Variants in F5 observed in about 807,000 individuals in gnomAD.
F5 encodes the protein coagulation factor V, also known as activated protein c cofactor.
A neutral mutation model predicts 216.4 loss-of-function variants in F5; 138 were observed. The ratio of observed to expected loss-of-function variants is 0.64; its 90% CI spans 0.56 to 0.73. The LOEUF (loss-of-function observed/expected upper bound fraction) is 0.73. Ranked by LOEUF, F5 falls within the 30% of genes least tolerant of loss-of-function variation. F5 has a pLI of 0.00. For synonymous variants in F5, 916 were observed against 930.7 expected (o/e 0.98, Z 0.29); for missense variants, 2,403 against 2,674.0 (o/e 0.90, Z 2.24).
Position 169,523,204 on chromosome 1 carries a change from T to G in F5, c.6041A>C (p.Asn2014Thr). The change falls in exon 21 of 25, where the codon AAT becomes ACT. Residue 2014 changes from asparagine (N) to threonine (T), a missense_variant. By Grantham distance (65) the Asn-to-Thr change is moderately conservative (BLOSUM62 0). Transcript: ENST00000367797. ...WQIFKGNSTRNVMYFNGNSDA... is the reference protein window; with the variant it reads ...WQIFKGNSTRTVMYFNGNSDA... ...AGAAATATGCACACAAACCATCACA[T>G]TCCTTGTGCTGTTCCCTTTGAAGAT... The G allele has an allele frequency of 1.2e-6, 2 of 1,614,056 alleles. No individual in the cohort carries two copies. Among genetic ancestry groups the G allele is most frequent in the Non-Finnish European group, 1.7e-6 (2 of 1,179,944 alleles).
chr1:169,569,250 T>G (rs1013502347), intron 3 of F5, among the ~76,000 whole-genome samples: 1 of 152,066 alleles, frequency 6.6e-6, no homozygotes, highest in Non-Finnish European at 1.5e-5. Flanking sequence ...AAGAGCAAAT[T>G]TTTGTATAGA....
chr1:169,556,954 A>T (rs903504802), intron 5 of F5, 87 bp from the exon 6 acceptor site: 1 of 1,166,740 alleles, frequency 8.6e-7, no homozygotes, highest in Middle Eastern at 2.7e-4. Context: ...TGTATTGAGC[A>T]CCTGCTGTGT....
Position 169,513,005 on chromosome 1 carries a change from C to T in F5, c.*1308G>A, listed in dbSNP as rs1659066473. Among the ~76,000 whole-genome samples, 1 of 151,914 alleles carries T rather than the reference C, an allele frequency of 6.6e-6. No homozygotes were observed. The highest frequency in any genetic ancestry group is 2.4e-5 in the African/African-American group (1 of 41,354). On this transcript the variant is annotated 3_prime_UTR_variant, in exon 25 of 25. Transcript: ENST00000367797. The stretch of plus-strand genomic sequence containing the variant: ...GTTTTAAGGAACTTATTTATTTCTG[C>T]CTTAATTTCATTATTTACCCAGTAG...
intron 13 of F5, among the ~76,000 whole-genome samples, chr1:169,539,884 A>G (rs1027279962): frequency 6.6e-6 from 1 of 152,210 alleles, no homozygotes; most frequent in East Asian, 1.9e-4. Context: ...ATTCTGATCT[A>G]AACAAGTAAA....
chr1:169,547,367 C>CT (rs1412143101), intron 10 of F5, among the ~76,000 whole-genome samples: 15 of 152,110 alleles, frequency 9.9e-5, no homozygotes, highest in African/African-American at 3.4e-4. Flanking sequence ...TAAAGAGCTC[C>CT]TGCACAGCAA....
chr1:169,539,428 C>T (rs1412872864), intron 13 of F5, among the ~76,000 whole-genome samples: 2 of 152,042 alleles, frequency 1.3e-5, no homozygotes, highest in Non-Finnish European at 2.9e-5. Context: ...CCCTGCATCT[C>T]ACTCCCTCGG....
intron 3 of F5, among the ~76,000 whole-genome samples, chr1:169,568,372 A>T (rs1022203424): frequency 1.3e-5 from 2 of 152,102 alleles, no homozygotes; most frequent in African/African-American, 4.8e-5. Flanking sequence ...CAATGCTTTT[A>T]TTCTTTTCAC....
chr1:169,532,630 CCA>C (rs150039090), intron 14 of F5, among the ~76,000 whole-genome samples: 3 of 151,692 alleles, frequency 2.0e-5, no homozygotes, highest in Non-Finnish European at 4.4e-5. Context: ...TTAAACATAG[CCA>C]CACACACATA....
chr1:169,569,037 C>T (rs1425570603), intron 3 of F5, among the ~76,000 whole-genome samples: 2 of 152,154 alleles, frequency 1.3e-5, no homozygotes, highest in East Asian at 3.9e-4. Flanking sequence ...TTTCATTGCA[C>T]AGGACTTGCA....
chr1:169,569,591 C>T (rs538429864), intron 3 of F5, among the ~76,000 whole-genome samples: 182 of 152,052 alleles, frequency 1.2e-3, no homozygotes, highest in Non-Finnish European at 2.2e-3. Flanking sequence ...AAATTGAAAC[C>T]CTTTAGTGAC....
chr1:169,565,413 G>A (rs553663273), intron 3 of F5, among the ~76,000 whole-genome samples: 9 of 152,202 alleles, frequency 5.9e-5, no homozygotes, highest in African/African-American at 2.2e-4. Context: ...TAGGTACCTA[G>A]AGAAGCATGG....
Position 169,555,181 on chromosome 1 carries a change from CT to C in F5, c.1118del (p.Lys374AsnfsTer36). 1.9e-6 allele frequency: 3 copies of C among 1,614,112 alleles called. No homozygotes were observed. The highest frequency in any genetic ancestry group is 2.5e-6 in the Non-Finnish European group (3 of 1,179,964). ...CAGTGGTATGAACCCCAACAACTCA[CT>C]TGTCCATATTCGCTGGTATTACAGG... ...YAPVIPANMD[K>X]KYRSQHLDNF... On this transcript the variant is annotated frameshift_variant and splice_region_variant, in exon 7 of 25. Transcript: ENST00000367797. LOFTEE classifies it high-confidence loss of function.
intron 12 of F5, among the ~76,000 whole-genome samples, chr1:169,543,521 A>T (rs539968331): frequency 6.6e-6 from 1 of 152,350 alleles, no homozygotes; most frequent in African/African-American, 2.4e-5. Context: ...ATGGACTTTT[A>T]ATATCATAAA....
chr1:169,546,208 C>T lies in F5; in HGVS notation c.1762+234G>A, dbSNP rs9332589. Among the ~76,000 whole-genome samples, 184 of 151,262 alleles carry T rather than the reference C, an allele frequency of 1.2e-3. No homozygotes were observed. Among genetic ancestry groups the T allele is most frequent in the East Asian group, 9.2e-3 (47 of 5,134 alleles). On this transcript the variant is annotated intron_variant, in intron 11 of 24. Coordinates refer to ENST00000367797, the MANE Select transcript of F5 (RefSeq NM_000130.5). ...ACACACACACACACACACACACACA[C>T]GCTTGGAATAGAAGATCAAACGCAT...
intron 7 of F5, among the ~76,000 whole-genome samples, chr1:169,553,598 T>C (rs756494923): frequency 6.6e-6 from 1 of 152,220 alleles, no homozygotes; most frequent in African/African-American, 2.4e-5. Context: ...GGCGGGCCCC[T>C]GTAGTCTCAG....
In F5 at chr1:169,540,551, C is replaced by G; in HGVS notation, c.4539G>C (p.Val1513=). ...LSKEFNPLVI[V]GLSKDGTDYI... is the part of the protein sequence containing the mutation. ...AATCTGTACCATCTTTACTGAGGCC[C>G]ACTATAACCAGTGGATTAAATTCCT... Residue 1513 remains valine, a synonymous_variant, in exon 13 of 25, where the codon GTG becomes GTC. Coordinates refer to ENST00000367797, the MANE Select transcript of F5 (RefSeq NM_000130.5). The G allele has an allele frequency of 1.2e-6, 2 of 1,613,934 alleles. No homozygotes were observed. The highest frequency in any genetic ancestry group is 1.7e-6 in the Non-Finnish European group (2 of 1,179,950).
rs200240938 is a variant in F5, at chr1:169,543,075, C to A, written c.2015G>T (p.Ser672Ile). 53 of 1,613,782 alleles carry A rather than the reference C, an allele frequency of 3.3e-5. No individual in the cohort carries two copies. Among genetic ancestry groups the A allele is most frequent in the Middle Eastern group, 3.3e-4 (2 of 6,080 alleles). Residue 672 changes from serine to isoleucine, a missense_variant, in exon 13 of 25, where the codon AGC becomes ATC. By Grantham distance (142) the Ser-to-Ile change is moderately radical. This residue lies in a region of F5 where 1,425 missense variants were observed against 1,554.8 expected (regional missense o/e 0.92). Coordinates refer to ENST00000367797, the MANE Select transcript of F5 (RefSeq NM_000130.5). ...MLTSMNSSPR[S>I]KKLRLKFRDV... is the part of the protein sequence containing the mutation. The stretch of plus-strand genomic sequence containing the variant: ...CCTGAATTTCAGCCTCAGCTTTTTG[C>A]TTCTTGGACTAGAATTCATGGAAGT...
chr1:169,563,112 T>C (rs767528252), intron 3 of F5, among the ~76,000 whole-genome samples: 5 of 152,034 alleles, frequency 3.3e-5, no homozygotes, highest in Admixed American at 6.6e-5. Flanking sequence ...GATTCCCCTA[T>C]CTTCTACCCT....
chr1:169,586,166 T>C, intron 1 of F5, 63 bp downstream of exon 1: 1 of 1,598,990 alleles, frequency 6.3e-7, no homozygotes, highest in Non-Finnish European at 8.5e-7. Context: ...AAAGGGAATG[T>C]TCTCTAAAAG....
Sources: allele counts gnomAD v4.1 joint callset (sites outside exome capture counted in the v4.1 genomes callset), GRCh38; gene constraint gnomAD v4.1.1; regional missense constraint gnomAD v4.1.1; transcripts MANE v1.5; gene names NCBI Gene and HGNC (gene_info 2026-07-23, HGNC 2026-07-21).